UGT2B4: variants seen among roughly 807,000 people sequenced by gnomAD.
UGT2B4 encodes the protein UDP-glucuronosyltransferase 2B4.
A neutral mutation model predicts 49.8 loss-of-function variants in UGT2B4; 49 were observed. The ratio of observed to expected loss-of-function variants is 0.98; its 90% CI spans 0.78 to 1.25. The LOEUF is 1.25. UGT2B4 is among the 50% of genes most tolerant of loss of function. The pLI is 0.00. For synonymous variants in UGT2B4, 246 were observed against 217.7 expected, an observed-to-expected ratio of 1.13 and a Z score of -1.14; for missense variants, 729 against 627.7, an observed-to-expected ratio of 1.16 and a Z score of -1.73.
At chr4:69,492,928 A>C (rs1345053982) in intron 2 of UGT2B4, among the ~76,000 whole-genome samples, 1 of 152,100 alleles carries the variant, frequency 6.6e-6, no homozygotes, top group Admixed American at 6.6e-5. Context: ...AACATCTTGG[A>C]ATCTTTTTTT....
intron 1 of UGT2B4, 53 bp from the exon 2 acceptor site, chr4:69,493,894 G>A (rs763047007): frequency 6.5e-5 from 100 of 1,538,606 alleles, no homozygotes; most frequent in Non-Finnish European, 8.4e-5. Flanking sequence ...ATTAAACTAG[G>A]TAATTTTCTG....
At chr4:69,499,717 A>G (rs1362859883), upstream of UGT2B4, among the ~76,000 whole-genome samples, 2 of 152,010 alleles carry the variant, frequency 1.3e-5, no homozygotes, top group Admixed American at 1.3e-4. Context: ...TTGCTTGGTA[A>G]ATTTTCTTCC....
rs201500719 is a variant in UGT2B4, at chr4:69,485,255, C to G, written c.1263G>C (p.Ser421=). 6.2e-7 allele frequency: 1 copy of G among 1,613,816 alleles called. No individual in the cohort carries two copies. The highest frequency in any genetic ancestry group is 1.1e-5 in the South Asian group (1 of 91,060). The part of the protein sequence containing the change: ...AAVSLDFHTM[S]STDLLNALKT... ...TCAGTGCATTGAGTAAGTCTGTACT[C>G]GACATTGTGTGGAAGTCCAAACTAA... The change falls in exon 5 of 6, where the codon TCG becomes TCC. Residue 421 remains serine, a synonymous_variant. Coordinates refer to ENST00000305107, the MANE Select transcript of UGT2B4 (RefSeq NM_021139.3).
chr4:69,487,802 A>C (rs973331020), intron 3 of UGT2B4, among the ~76,000 whole-genome samples: 1 of 152,128 alleles, frequency 6.6e-6, no homozygotes, highest in Non-Finnish European at 1.5e-5. Context: ...ATATGCATTA[A>C]AAATTTTAGG....
At chr4:69,517,979 C>A (rs781638879) in intron 1 of UGT2B4, 15 of 154,160 alleles carry the variant, frequency 9.7e-5, no homozygotes, top group African/African-American at 1.7e-4. Flanking sequence ...TTGGGTTCCT[C>A]TTGCATCTTC....
At chr4:69,519,299 A>G (rs1577905530) in intron 1 of UGT2B4, among the ~76,000 whole-genome samples, 1 of 152,262 alleles carries the variant, frequency 6.6e-6, no homozygotes, top group Non-Finnish European at 1.5e-5. Flanking sequence ...TTAAAAATGT[A>G]CATTAGTAAC....
chr4:69,499,621 C>T (rs1034273020), upstream of UGT2B4, among the ~76,000 whole-genome samples: 1 of 152,078 alleles, frequency 6.6e-6, no homozygotes, highest in Non-Finnish European at 1.5e-5. Context: ...ATGTAATAGC[C>T]TTCTTTATCT....
At chr4:69,523,433 C>G (rs1256296596) in intron 1 of UGT2B4, among the ~76,000 whole-genome samples, 1 of 152,116 alleles carries the variant, frequency 6.6e-6, no homozygotes, top group Non-Finnish European at 1.5e-5. Flanking sequence ...GATCACAGCT[C>G]TTGCATTAGC....
At chr4:69,501,077 C>A (rs1023512523) in intron 1 of UGT2B4, among the ~76,000 whole-genome samples, 2 of 152,142 alleles carry the variant, frequency 1.3e-5, no homozygotes, top group Non-Finnish European at 2.9e-5. Flanking sequence ...CAGGATAAGA[C>A]CCACTGGCTT....
At chr4:69,524,596 T>A (rs1268022168) in intron 1 of UGT2B4, among the ~76,000 whole-genome samples, 1 of 151,896 alleles carries the variant, frequency 6.6e-6, no homozygotes, top group Non-Finnish European at 1.5e-5. Flanking sequence ...TTTATGAAAA[T>A]TAGCAAAATG....
At chr4:69,486,533 G>T in intron 4 of UGT2B4, 76 bp downstream of exon 4, 3 of 986,580 alleles carry the variant, frequency 3.0e-6, no homozygotes, top group Non-Finnish European at 4.3e-6. Flanking sequence ...TGTTCAGTAA[G>T]CTTGTTTCAT....
At chr4:69,517,656 TAA>T (rs1728763364) in intron 1 of UGT2B4, 1 of 153,002 alleles carries the variant, frequency 6.5e-6, no homozygotes, top group South Asian at 2.1e-4. Flanking sequence ...ACGTTAAAAA[TAA>T]AGAGTTTCTT....
upstream of UGT2B4, among the ~76,000 whole-genome samples, chr4:69,497,739 A>G (rs1728203846): frequency 6.6e-6 from 1 of 152,226 alleles, no homozygotes; most frequent in African/African-American, 2.4e-5. Flanking sequence ...ACAACAATAG[A>G]TTTAGAATAT....
At chr4:69,522,620 C>T (rs987024303) in intron 1 of UGT2B4, among the ~76,000 whole-genome samples, 1 of 152,100 alleles carries the variant, frequency 6.6e-6, no homozygotes, top group African/African-American at 2.4e-5. Context: ...TCTTTTTGTT[C>T]CTGGAAGATT....
upstream of UGT2B4, among the ~76,000 whole-genome samples, chr4:69,496,175 C>T (rs1057409895): frequency 1.3e-5 from 2 of 152,008 alleles, no homozygotes; most frequent in African/African-American, 2.4e-5. Flanking sequence ...CAGGCACCTG[C>T]CACCGCACCC....
intron 2 of UGT2B4, among the ~76,000 whole-genome samples, chr4:69,492,781 T>C (rs1164684344): frequency 6.6e-6 from 1 of 152,100 alleles, no homozygotes; most frequent in East Asian, 1.9e-4. Flanking sequence ...AAGTTAGTCA[T>C]ATTACTGTAA....
intron 1 of UGT2B4, among the ~76,000 whole-genome samples, chr4:69,513,255 T>A (rs1311847295): frequency 1.3e-5 from 2 of 152,196 alleles, no homozygotes. Context: ...TGAGTTGATT[T>A]TTGTAAATGA....
intron 1 of UGT2B4, among the ~76,000 whole-genome samples, chr4:69,511,844 T>C (rs1728611516): frequency 6.6e-6 from 1 of 152,116 alleles, no homozygotes; most frequent in African/African-American, 2.4e-5. Context: ...TATTCATTAT[T>C]GTTAGGTTCT....
chr4:69,488,328 G>T (rs189862534), intron 3 of UGT2B4, among the ~76,000 whole-genome samples: 1 of 151,930 alleles, frequency 6.6e-6, no homozygotes, highest in Non-Finnish European at 1.5e-5. Context: ...ACAGTGATTC[G>T]TATGTTTTGC....
Sources: gnomAD v4.1 joint callset for allele counts (sites outside exome capture counted in the v4.1 genomes callset) on GRCh38, gnomAD v4.1.1 for gene constraint, MANE v1.5 for transcripts, NCBI Gene and HGNC (gene_info 2026-07-23, HGNC 2026-07-21) for gene names.